NUP98: variants seen among roughly 807,000 people sequenced by gnomAD.
NUP98 encodes the protein nucleoporin 98 and 96 precursor.
In NUP98, 26 loss-of-function variants were observed where a neutral mutation model predicts 191.9. That is an observed-to-expected ratio of 0.14 (90% CI 0.10 to 0.19). The LOEUF is 0.19. Ranked by LOEUF, NUP98 falls within the 10% of genes least tolerant of loss-of-function variation. The pLI is 1.00. For synonymous variants in NUP98, 808 were observed against 778.4 expected (o/e 1.04, Z -0.63); for missense variants, 1,941 against 2,178.8 (o/e 0.89, Z 2.17).
At chr11:3,718,564 G>GA (rs1202596584) in intron 18 of NUP98, among the ~76,000 whole-genome samples, 10 of 151,860 alleles carry the variant, frequency 6.6e-5, no homozygotes, top group East Asian at 3.9e-4. Context: ...AAGAAAGAAA[G>GA]AAGAGAAAGG....
intron 10 of NUP98, among the ~76,000 whole-genome samples, chr11:3,759,484 C>T (rs909094682): frequency 6.6e-6 from 1 of 151,992 alleles, no homozygotes; most frequent in African/African-American, 2.4e-5. Context: ...GTATTCCCAG[C>T]GACTCGGGAG....
At chr11:3,756,098 C>T (rs1165709565) in intron 10 of NUP98, among the ~76,000 whole-genome samples, 1 of 152,190 alleles carries the variant, frequency 6.6e-6, no homozygotes, top group Non-Finnish European at 1.5e-5. Context: ...GCTGCCTACT[C>T]AAGCATCATC....
At chr11:3,775,369 C>T (rs1326278585) in intron 5 of NUP98, among the ~76,000 whole-genome samples, 1 of 151,740 alleles carries the variant, frequency 6.6e-6, no homozygotes, top group African/African-American at 2.4e-5. Flanking sequence ...ATCTCTACTA[C>T]AAAAAACTAC....
chr11:3,721,566 G>T (rs1049305908), intron 16 of NUP98, among the ~76,000 whole-genome samples: 6 of 152,002 alleles, frequency 3.9e-5, no homozygotes, highest in Admixed American at 1.3e-4. Flanking sequence ...GGGCATGGTG[G>T]CGGGTGCTTG....
chr11:3,745,197 A>G (rs924241219), intron 11 of NUP98, among the ~76,000 whole-genome samples: 1 of 151,552 alleles, frequency 6.6e-6, no homozygotes, highest in East Asian at 1.9e-4. Flanking sequence ...AATACTTGCA[A>G]ATCAAAATAC....
intron 28 of NUP98, among the ~76,000 whole-genome samples, chr11:3,687,369 C>A (rs1182092712): frequency 6.6e-6 from 1 of 152,196 alleles, no homozygotes; most frequent in African/African-American, 2.4e-5. Flanking sequence ...TTTCTATGAG[C>A]AGTAGTTTTG....
rs759859095 is a variant in NUP98, at chr11:3,760,589, C to T, written c.1124G>A (p.Ser375Asn). Residue 375 changes from serine to asparagine, a missense_variant, in exon 10 of 33, where the codon AGC becomes AAC. Ser to Asn is a conservative substitution (Grantham distance 46). Transcript: ENST00000324932. ...AAATGAAGGTGCACTGGTTGTGCTG[C>T]TTCCAAATGTAGTAAGCTTGTTATT... is the stretch of plus-strand genomic sequence containing the variant. ...FGNNKLTTFGSSTTSAPSFGT... is the reference protein window; with the variant it reads ...FGNNKLTTFGNSTTSAPSFGT... 6.2e-7 allele frequency: 1 copy of T among 1,613,886 alleles called. No homozygotes were observed. The highest frequency in any genetic ancestry group is 2.2e-5 in the East Asian group (1 of 44,868).
rs139253201 is a variant in NUP98, at chr11:3,725,069, T to C, written c.1847+34A>G. 7.4e-5 allele frequency: 70 copies of C among 946,070 alleles called. No homozygotes were observed. In the African/African-American group the frequency reaches 8.2e-4, roughly 11 times the overall value. The allele number at this position is 946,070 out of a possible 1,614,324, so 58.6% of individuals were successfully genotyped here. A position where few individuals can be genotyped will look rare whatever the true frequency, so the allele number is the denominator to read the frequency against. On this transcript the variant is annotated intron_variant, in intron 15 of 32. Coordinates refer to ENST00000324932, the MANE Select transcript of NUP98 (RefSeq NM_016320.5). ...TCTTAAAAATGAGACTATAACTCTC[T>C]ACTAAGAAGAACTCAAAACAGAATT... is the stretch of plus-strand genomic sequence containing the variant.
intron 5 of NUP98, among the ~76,000 whole-genome samples, chr11:3,774,452 C>A (rs759175420): frequency 1.9e-4 from 29 of 151,528 alleles, no homozygotes; most frequent in Non-Finnish European, 1.2e-4. Context: ...TGGCCAGGCG[C>A]AGTGGCTCAC....
At chr11:3,740,638 G>C (rs1159247594) in intron 12 of NUP98, among the ~76,000 whole-genome samples, 1 of 151,828 alleles carries the variant, frequency 6.6e-6, no homozygotes, top group Non-Finnish European at 1.5e-5. Context: ...AAAAGGAGAA[G>C]GGCAACTACT....
chr11:3,778,161 TACACTCCAGCCTGGGTG>T (rs2081815420), intron 4 of NUP98, among the ~76,000 whole-genome samples: 1 of 124,352 alleles, frequency 8.0e-6, no homozygotes, highest in Non-Finnish European at 1.5e-5. Context: ...ATTGCGCCAC[TACACTCCAGCCTGGGTG>T]ACAGAGCGAG....
intron 20 of NUP98, among the ~76,000 whole-genome samples, chr11:3,708,182 C>T (rs1034453436): frequency 6.6e-6 from 1 of 152,194 alleles, no homozygotes; most frequent in African/African-American, 2.4e-5. Flanking sequence ...TAGCACATCA[C>T]TAAGTTCAAC....
chr11:3,784,614 A>G (rs1256735882), intron 1 of NUP98, among the ~76,000 whole-genome samples: 9 of 150,838 alleles, frequency 6.0e-5, no homozygotes, highest in Admixed American at 1.3e-4. Flanking sequence ...AACAAAAAAC[A>G]TGGTGCACAC....
chr11:3,732,299 T>C (rs765092403), intron 13 of NUP98, among the ~76,000 whole-genome samples: 7 of 152,186 alleles, frequency 4.6e-5, no homozygotes, highest in Non-Finnish European at 7.3e-5. Context: ...AATTAAAATG[T>C]ACTAACACAA....
Position 3,779,257 on chromosome 11 carries a change from T to C in NUP98, c.77A>G (p.Asn26Ser), listed in dbSNP as rs1425051252. Residue 26 changes from asparagine to serine, a missense_variant and splice_region_variant, in exon 3 of 33, where the codon AAT (asparagine) becomes AGT (serine). Coordinates refer to ENST00000324932, the MANE Select transcript of NUP98 (RefSeq NM_016320.5). Reference sequence around the variant, plus strand: ...TCCACTAGTAGTGCCAAAGCCAGTATCTGAAAAAGCAAAATCCAGAGTAAA... The same window carrying C: ...TCCACTAGTAGTGCCAAAGCCAGTACCTGAAAAAGCAAAATCCAGAGTAAA... The part of the protein sequence containing the change: ...GFGTTSTFGQ[N>S]TGFGTTSGGA... The C allele has an allele frequency of 1.9e-6, 3 of 1,611,116 alleles. No individual in the cohort carries two copies. Among genetic ancestry groups the C allele is most frequent in the South Asian group, 1.1e-5 (1 of 90,992 alleles).
In NUP98 at chr11:3,763,049, A is replaced by G; in HGVS notation, c.949-10T>C. 6.2e-7 allele frequency: 1 copy of G among 1,612,088 alleles called. No homozygotes were observed. The highest frequency in any genetic ancestry group is 1.1e-5 in the South Asian group (1 of 90,590). On this transcript the variant is annotated splice_polypyrimidine_tract_variant and intron_variant, in intron 8 of 32. Transcript: ENST00000324932. Reference sequence around the variant, plus strand: ...TTACTCCAAATAATCCCTGCAAAGAAGTTTATATAGATTAAAAGATATCCT... The same window carrying G: ...TTACTCCAAATAATCCCTGCAAAGAGGTTTATATAGATTAAAAGATATCCT...
rs376170189 is a variant in NUP98 at position 3,684,350 on chromosome 11, C to T, written c.4677-909G>A. 4.6e-5 allele frequency among the ~76,000 whole-genome samples: 7 copies of T among 152,308 alleles called. 1 individual carries two copies. The highest frequency in any genetic ancestry group is 3.9e-4 in the East Asian group (2 of 5,184). On this transcript the variant is annotated intron_variant, in intron 29 of 32. Transcript: ENST00000324932. ...ATCCCAGCACTTTGGCAGGCCGAGG[C>T]GGACAGATCACGAGGTCAAGTCATT...
rs756287244 is a variant in NUP98 at position 3,705,197 on chromosome 11, T to C, written c.3082+3A>G. ...TTGTAAAATAGCATCTTTTATACTG[T>C]ACCTAGTGAACGAGTTTTCGACGAG... On this transcript the variant is annotated splice_donor_region_variant and intron_variant, in intron 22 of 32. Transcript: ENST00000324932. 13 of 1,613,942 alleles carry C rather than the reference T, an allele frequency of 8.1e-6. No individual in the cohort carries two copies. The highest frequency in any genetic ancestry group is 1.1e-5 in the Non-Finnish European group (13 of 1,179,908).
rs145720417 is a variant in NUP98, at chr11:3,682,566, T to C, written c.4918+634A>G. On this transcript the variant is annotated intron_variant, in intron 30 of 32. Coordinates refer to ENST00000324932, the MANE Select transcript of NUP98 (RefSeq NM_016320.5). ...ACCAGTTGATGGAGCAGCCAGAATA[T>C]GCACATTTATCAACTGACCATCTTA... Among the ~76,000 whole-genome samples the C allele has an allele frequency of 4.3e-3, 658 of 152,282 alleles. 3 individuals are homozygous for C. Among genetic ancestry groups the C allele is most frequent in the African/African-American group, 0.015 (628 of 41,556 alleles).
Sources: gnomAD v4.1 joint callset for allele counts (sites outside exome capture counted in the v4.1 genomes callset) on GRCh38, gnomAD v4.1.1 for gene constraint, MANE v1.5 for transcripts, NCBI Gene and HGNC (gene_info 2026-07-23, HGNC 2026-07-21) for gene names.